STK3: variants seen among roughly 807,000 people sequenced by gnomAD.
STK3 encodes serine/threonine kinase 3.
A neutral mutation model predicts 58.0 loss-of-function variants in STK3; 41 were observed. That is an observed-to-expected ratio of 0.71 (90% CI 0.55 to 0.92). STK3 has a LOEUF of 0.92. Among genes scored for constraint, STK3 ranks in the 40% least tolerant of loss-of-function variants. The pLI is 0.00. For missense variants in STK3, 479 were observed against 602.7 expected, an observed-to-expected ratio of 0.79 and a Z score of 2.15; for synonymous variants, 170 against 191.0, an observed-to-expected ratio of 0.89 and a Z score of 0.91.
chr8:98,887,604 A>T (rs1368156787), intron 1 of STK3, among the ~76,000 whole-genome samples: 2 of 152,228 alleles, frequency 1.3e-5, no homozygotes, highest in East Asian at 3.8e-4. Flanking sequence ...TAAAGAAAAG[A>T]TTATAAACAT....
chr8:98,490,462 C>T (rs1822599526), intron 10 of STK3, among the ~76,000 whole-genome samples: 1 of 152,098 alleles, frequency 6.6e-6, no homozygotes, highest in African/African-American at 2.4e-5. Context: ...TTTTCCACCC[C>T]TGACTTTACT....
chr8:98,817,848 T>G (rs1195364227), intron 1 of STK3, among the ~76,000 whole-genome samples: 1 of 152,152 alleles, frequency 6.6e-6, no homozygotes. Context: ...TACAATCTAC[T>G]CTACCCAAAG....
At chr8:98,688,384 G>C (rs1380278082) in intron 6 of STK3, among the ~76,000 whole-genome samples, 1 of 152,084 alleles carries the variant, frequency 6.6e-6, no homozygotes, top group East Asian at 1.9e-4. Flanking sequence ...AACTAACAAA[G>C]AAATTCTGGA....
In STK3 at chr8:98,678,504, C is replaced by T. The variant is rs867280120; in HGVS notation, c.684+27963G>A. Among the ~76,000 whole-genome samples, 6 of 151,938 alleles carry T rather than the reference C, an allele frequency of 3.9e-5. No individual in the cohort carries two copies. In the East Asian group the frequency reaches 5.8e-4, roughly 15 times the overall value. ...CTTCTTTGCATAAGTTGCTTCCTTT[C>T]GCCTTAAACAAAGAAACCATACATT... On this transcript the variant is annotated intron_variant, in intron 6 of 10. Transcript: ENST00000419617.
intron 10 of STK3, among the ~76,000 whole-genome samples, chr8:98,466,590 C>T (rs1820481232): frequency 6.6e-6 from 1 of 152,154 alleles, no homozygotes; most frequent in Admixed American, 6.6e-5. Context: ...TCTGGTTCCT[C>T]TAGTGCTGGG....
intron 10 of STK3, among the ~76,000 whole-genome samples, chr8:98,464,554 A>AT (rs1392428473): frequency 6.7e-6 from 1 of 149,920 alleles, no homozygotes; most frequent in Non-Finnish European, 1.5e-5. Context: ...AAAAAAAAAA[A>AT]AAAAAAAAAA....
chr8:98,848,008 A>G (rs1273731455), intron 3 of STK3, among the ~76,000 whole-genome samples: 4 of 152,218 alleles, frequency 2.6e-5, no homozygotes, highest in African/African-American at 9.6e-5. Flanking sequence ...TTTATTCAGC[A>G]TGCTGTTTAG....
chr8:98,772,845 C>T (rs371340778), intron 2 of STK3, among the ~76,000 whole-genome samples: 4 of 152,148 alleles, frequency 2.6e-5, no homozygotes, highest in South Asian at 2.1e-4. Flanking sequence ...AAGCGGATGC[C>T]GGCACCGTGC....
At chr8:98,419,158 C>G (rs547636247) in intron 3 of STK3, among the ~76,000 whole-genome samples, 3 of 152,056 alleles carry the variant, frequency 2.0e-5, no homozygotes, top group Admixed American at 1.3e-4. Flanking sequence ...GCCAGGAGTT[C>G]GAGACCAGCC....
chr8:98,570,783 G>C (rs936778061), intron 8 of STK3, among the ~76,000 whole-genome samples: 1 of 152,204 alleles, frequency 6.6e-6, no homozygotes, highest in Non-Finnish European at 1.5e-5. Flanking sequence ...TGTTCTAGGT[G>C]TGTATATATG....
At chr8:98,731,239 AGAACCAT>A (rs1828175765) in intron 4 of STK3, among the ~76,000 whole-genome samples, 1 of 152,210 alleles carries the variant, frequency 6.6e-6, no homozygotes, top group African/African-American at 2.4e-5. Flanking sequence ...CTCCAAGCTT[AGAACCAT>A]AGGGTAGGGA....
rs759068889 is a variant in STK3, at chr8:98,428,463, G to A, written n.483+5664C>T. ...CTTCTACAACGACGCCTCCAAGTTCGATGGGCAGCCCCTCGGCAACTTCCG... is the reference window on the plus strand; with the variant it reads ...CTTCTACAACGACGCCTCCAAGTTCAATGGGCAGCCCCTCGGCAACTTCCG... On this transcript the variant is annotated intron_variant and non_coding_transcript_variant, in intron 3 of 3. Transcript: ENST00000517832. This position sits in a 1 kb window ranked among gnomAD's most constrained non-coding sequence, Gnocchi z 6.7. 7.4e-6 allele frequency: 12 copies of A among 1,614,108 alleles called. No homozygotes were observed. Among genetic ancestry groups the A allele is most frequent in the Middle Eastern group, 1.6e-4 (1 of 6,062 alleles).
At chr8:98,896,887 G>T (rs915624981) in intron 1 of STK3, among the ~76,000 whole-genome samples, 1 of 152,188 alleles carries the variant, frequency 6.6e-6, no homozygotes, top group Non-Finnish European at 1.5e-5. Context: ...GCTGAGGTGG[G>T]AGGATAGCTT....
chr8:98,648,742 A>AT lies in STK3; in HGVS notation c.685-52574dup, dbSNP rs575218881. ...CCCCATCTCTACTAAAAATACAAAA[A>AT]TAAGCCGGCTGTGGTGGCACCCACC... On this transcript the variant is annotated intron_variant, in intron 6 of 10. Coordinates refer to ENST00000419617, the MANE Select transcript of STK3 (RefSeq NM_006281.4). Among the ~76,000 whole-genome samples, 487 of 152,264 alleles carry AT rather than the reference A, an allele frequency of 3.2e-3. 3 individuals are homozygous for AT. The highest frequency in any genetic ancestry group is 5.4e-3 in the Non-Finnish European group (369 of 68,016).
intron 9 of STK3, among the ~76,000 whole-genome samples, chr8:98,537,241 C>A (rs1809839065): frequency 6.6e-6 from 1 of 151,930 alleles, no homozygotes; most frequent in East Asian, 1.9e-4. Context: ...TAATTTAAAA[C>A]CTAGTATTAA....
chr8:98,676,238 G>T lies in STK3; in HGVS notation c.684+30229C>A, dbSNP rs114803772. Reference sequence around the variant, plus strand: ...TAGTAGGAAGTAACTGTTTTAACAGGCATGGAGTTTCAGTTTGGGATGATG... The same window carrying T: ...TAGTAGGAAGTAACTGTTTTAACAGTCATGGAGTTTCAGTTTGGGATGATG... On this transcript the variant is annotated intron_variant, in intron 6 of 10. Transcript: ENST00000419617. Among the ~76,000 whole-genome samples the T allele has an allele frequency of 3.3e-5, 5 of 152,310 alleles. No individual in the cohort carries two copies. In the East Asian group the frequency reaches 9.6e-4, roughly 29 times the overall value.
In STK3 at chr8:98,742,571, G is replaced by T. The variant is rs574773279; in HGVS notation, c.351+6705C>A. Among the ~76,000 whole-genome samples, 752 of 123,444 alleles carry T rather than the reference G, an allele frequency of 6.1e-3. 185 individuals are homozygous for T. Among genetic ancestry groups the T allele is most frequent in the South Asian group, 9.8e-3 (42 of 4,270 alleles). 81.0% of individuals were successfully genotyped at this position (123,444 alleles called of 152,430 possible). On this transcript the variant is annotated intron_variant, in intron 4 of 10. Transcript: ENST00000419617. ...AACTCTCAATAAATTATGTATCGAT[G>T]GGACATATCTCAAAATAATAAGAGC...
chr8:98,771,880 A>C (rs887748847), intron 2 of STK3, among the ~76,000 whole-genome samples: 1 of 152,070 alleles, frequency 6.6e-6, no homozygotes, highest in African/African-American at 2.4e-5. Flanking sequence ...AAGCCACTGC[A>C]CCTGGCCCAT....
At chr8:98,863,409 C>G (rs954901140) in intron 3 of STK3, among the ~76,000 whole-genome samples, 3 of 152,136 alleles carry the variant, frequency 2.0e-5, no homozygotes, top group Admixed American at 2.0e-4. Context: ...GTCACTTAAC[C>G]TTCATGTACC....
Sources: allele counts gnomAD v4.1 joint callset (sites outside exome capture counted in the v4.1 genomes callset), GRCh38; gene constraint gnomAD v4.1.1; non-coding constraint Gnocchi (gnomAD v3.1); transcripts MANE v1.5; gene names NCBI Gene and HGNC (gene_info 2026-07-23, HGNC 2026-07-21).